Variants in ADAM9 observed in about 807,000 individuals in gnomAD.
ADAM9 encodes the protein ADAM metallopeptidase domain 9.
Under a neutral mutation model 108.1 loss-of-function variants are expected in ADAM9, and 54 were observed. The observed-to-expected ratio is 0.50, with a 90% CI of 0.40 to 0.63. The LOEUF is 0.63. Ranked by LOEUF, ADAM9 falls within the 20% of genes least tolerant of loss-of-function variation. The probability of loss-of-function intolerance (pLI) is 0.00; values close to 1 mark genes in which losing one functional copy is unlikely to be tolerated. For missense variants in ADAM9, 830 were observed against 997.7 expected, an observed-to-expected ratio of 0.83 and a Z score of 2.26; for synonymous variants, 316 against 336.0, an observed-to-expected ratio of 0.94 and a Z score of 0.65.
rs1173924179 is a variant in ADAM9 at position 38,997,024 on chromosome 8, G to A, written c.-40G>A. ...AAATGATGGAAGAGGCGGAGGTGGA[G>A]GCGACCGAGTGCTGAGAGGAACCTG... On this transcript the variant is annotated 5_prime_UTR_variant, in exon 1 of 22. Coordinates refer to ENST00000487273, the MANE Select transcript of ADAM9 (RefSeq NM_003816.3). The A allele has an allele frequency of 6.3e-7, 1 of 1,597,840 alleles. No individual in the cohort carries two copies. Among genetic ancestry groups the A allele is most frequent in the Non-Finnish European group, 8.5e-7 (1 of 1,177,050 alleles).
chr8:39,077,923 C>T lies in ADAM9; in HGVS notation c.1881+512C>T, dbSNP rs560154953. Among the ~76,000 whole-genome samples the T allele has an allele frequency of 2.1e-4, 32 of 152,148 alleles. No homozygotes were observed. The South Asian group carries it at 4.6e-3, about 22-fold the overall frequency. On this transcript the variant is annotated intron_variant, in intron 16 of 21. Transcript: ENST00000487273. Reference sequence around the variant, plus strand: ...AAATTAAGGAGGGTAATTAAGAGTGCGGGCAGAAACTGTAAGAATTCGTTG... The same window carrying T: ...AAATTAAGGAGGGTAATTAAGAGTGTGGGCAGAAACTGTAAGAATTCGTTG...
At chr8:39,001,684 T>C (rs1588316435) in intron 1 of ADAM9, among the ~76,000 whole-genome samples, 1 of 152,124 alleles carries the variant, frequency 6.6e-6, no homozygotes, top group East Asian at 1.9e-4. Context: ...TTTTTTTTTT[T>C]TGAGATGGAG....
intron 11 of ADAM9, among the ~76,000 whole-genome samples, chr8:39,039,393 A>G (rs1837386130): frequency 6.6e-6 from 1 of 152,228 alleles, no homozygotes; most frequent in Non-Finnish European, 1.5e-5. Context: ...ATTGTTGCCC[A>G]TTTTTTGTGT....
chr8:39,023,026 T>C, intron 8 of ADAM9, 130 bp from the exon 9 acceptor site: 1 of 830,040 alleles, frequency 1.2e-6, no homozygotes, highest in Non-Finnish European at 1.9e-6. Flanking sequence ...AGTCTCATTG[T>C]ATTAAAGGAA....
chr8:39,045,148 ATATGTG>A (rs1837633798), intron 12 of ADAM9, among the ~76,000 whole-genome samples: 1 of 105,614 alleles, frequency 9.5e-6, no homozygotes, highest in African/African-American at 3.1e-5. Flanking sequence ...ATATGTGTAT[ATATGTG>A]TATACATACA....
chr8:39,037,022 T>C (rs1178262442), intron 11 of ADAM9, among the ~76,000 whole-genome samples: 1 of 151,260 alleles, frequency 6.6e-6, no homozygotes, highest in Non-Finnish European at 1.5e-5. Flanking sequence ...GACTAAAATA[T>C]AGGACTATAC....
chr8:39,019,988 T>A (rs1165235435), intron 7 of ADAM9, among the ~76,000 whole-genome samples: 1 of 152,208 alleles, frequency 6.6e-6, no homozygotes, highest in Non-Finnish European at 1.5e-5. Flanking sequence ...AAGTCAAGAT[T>A]CAAAATGTTT....
chr8:39,009,255 A>G (rs1039042125), intron 2 of ADAM9, among the ~76,000 whole-genome samples: 2 of 152,116 alleles, frequency 1.3e-5, no homozygotes, highest in Non-Finnish European at 2.9e-5. Flanking sequence ...CCATTTGATT[A>G]TGTTTTGTCT....
intron 18 of ADAM9, among the ~76,000 whole-genome samples, chr8:39,088,096 T>C (rs978882594): frequency 1.3e-5 from 2 of 152,138 alleles, no homozygotes; most frequent in Non-Finnish European, 2.9e-5. Flanking sequence ...ATCATCTTCC[T>C]GTAGAGTAGG....
intron 8 of ADAM9, among the ~76,000 whole-genome samples, chr8:39,022,255 A>T (rs1463109989): frequency 6.6e-6 from 1 of 152,194 alleles, no homozygotes; most frequent in African/African-American, 2.4e-5. Flanking sequence ...TGATGATAGC[A>T]TTCACTTGAG....
rs193145024 is a variant in ADAM9 at position 39,089,963 on chromosome 8, A to G, written c.2069-84A>G. ...AGTTTGATTTTTGAGTAATGTGAAA[A>G]TTAATGTAAAGTGTTTATAATCATC... On this transcript the variant is annotated intron_variant, in intron 18 of 21. Coordinates refer to ENST00000487273, the MANE Select transcript of ADAM9 (RefSeq NM_003816.3). 4.4e-3 allele frequency: 6,036 copies of G among 1,380,836 alleles called. 21 individuals carry two copies. The highest frequency in any genetic ancestry group is 5.4e-3 in the Non-Finnish European group (5,282 of 969,732). 85.5% of individuals were successfully genotyped at this position (1,380,836 alleles called of 1,614,324 possible).
chr8:39,020,807 A>G (rs1000633204), intron 7 of ADAM9, among the ~76,000 whole-genome samples: 1 of 152,132 alleles, frequency 6.6e-6, no homozygotes. Flanking sequence ...ATGTGGCTGC[A>G]CAGAGTCTCT....
intron 12 of ADAM9, among the ~76,000 whole-genome samples, chr8:39,046,988 C>A (rs999373739): frequency 6.6e-6 from 1 of 152,214 alleles, no homozygotes; most frequent in South Asian, 2.1e-4. Flanking sequence ...AGACTGGTCT[C>A]GAACTCCTGG....
intron 20 of ADAM9, among the ~76,000 whole-genome samples, chr8:39,098,924 A>G (rs746459633): frequency 6.6e-6 from 1 of 152,050 alleles, no homozygotes; most frequent in Non-Finnish European, 1.5e-5. Context: ...GGCATGGTCA[A>G]TCTTTGATGT....
At chr8:39,007,145 C>T (rs1393841585) in intron 1 of ADAM9, among the ~76,000 whole-genome samples, 4 of 152,126 alleles carry the variant, frequency 2.6e-5, no homozygotes, top group Admixed American at 6.5e-5. Context: ...GAAGGGGAAG[C>T]GGAGCTGGCG....
At chr8:39,014,611 C>A in intron 4 of ADAM9, 3 of 701,046 alleles carry the variant, frequency 4.3e-6, no homozygotes, top group Non-Finnish European at 7.8e-6. Context: ...AGAGCATAAA[C>A]ATTTCTAGTT....
At chr8:39,068,172 G>A (rs1233525806) in intron 14 of ADAM9, among the ~76,000 whole-genome samples, 1 of 152,118 alleles carries the variant, frequency 6.6e-6, no homozygotes, top group Non-Finnish European at 1.5e-5. Flanking sequence ...CTCTCCCATA[G>A]TCCCTGGTCC....
At chr8:39,019,930 AC>A (rs1213740658) in intron 7 of ADAM9, among the ~76,000 whole-genome samples, 1 of 152,240 alleles carries the variant, frequency 6.6e-6, no homozygotes, top group Non-Finnish European at 1.5e-5. Flanking sequence ...TCTGCCCCAA[AC>A]AGTGGGCAAA....
At chr8:39,092,659 C>G (rs1839393410) in intron 20 of ADAM9, among the ~76,000 whole-genome samples, 2 of 151,026 alleles carry the variant, frequency 1.3e-5, no homozygotes, top group Non-Finnish European at 2.9e-5. Flanking sequence ...CTAATATTTA[C>G]CATCTTAACA....
Sources: allele counts gnomAD v4.1 joint callset (sites outside exome capture counted in the v4.1 genomes callset), GRCh38; gene constraint gnomAD v4.1.1; transcripts MANE v1.5; gene names NCBI Gene and HGNC (gene_info 2026-07-23, HGNC 2026-07-21).